Variants in COL11A1 observed in about 807,000 individuals in gnomAD.
The protein encoded by COL11A1 is collagen alpha-1(XI) chain.
In COL11A1, 74 loss-of-function variants were observed where a neutral mutation model predicts 265.2. That is an observed-to-expected ratio of 0.28 (90% CI 0.23 to 0.34). COL11A1 has a LOEUF of 0.34. COL11A1 is among the 10% of genes least tolerant of loss of function. The pLI is 1.00. For missense variants in COL11A1, 2,165 were observed against 2,263.6 expected (o/e 0.96, Z 0.88); for synonymous variants, 816 against 727.6 (o/e 1.12, Z -1.96).
At chr1:102,922,276 C>G (rs1215742159) in intron 47 of COL11A1, among the ~76,000 whole-genome samples, 1 of 152,192 alleles carries the variant, frequency 6.6e-6, no homozygotes, top group African/African-American at 2.4e-5. Flanking sequence ...CTGTTATTAT[C>G]TACTACCGTG....
At chr1:102,908,950 C>T (rs1240800351) in intron 54 of COL11A1, among the ~76,000 whole-genome samples, 2 of 151,974 alleles carry the variant, frequency 1.3e-5, no homozygotes, top group Non-Finnish European at 2.9e-5. Flanking sequence ...ACATTTATAT[C>T]TAAAGAAAAA....
chr1:102,903,060 T>G (rs1407149807), intron 54 of COL11A1, among the ~76,000 whole-genome samples: 1 of 152,116 alleles, frequency 6.6e-6, no homozygotes, highest in East Asian at 1.9e-4. Flanking sequence ...TTATAATGCT[T>G]AAATTATTTT....
chr1:103,055,016 A>G (rs888735521), intron 4 of COL11A1, among the ~76,000 whole-genome samples: 5 of 152,220 alleles, frequency 3.3e-5, no homozygotes, highest in African/African-American at 7.2e-5. Flanking sequence ...TATAGGATGC[A>G]TAGCACTGTT....
At chr1:102,884,680 G>GCACTTGTGGGCAGCCCACCC (rs1650733137) in intron 63 of COL11A1, 1 of 152,238 alleles carries the variant, frequency 6.6e-6, no homozygotes, top group African/African-American at 2.4e-5. Flanking sequence ...GCAGCCCACT[G>GCACTTGTGGGCAGCCCACCC]CACTTGTGGG....
At chr1:102,934,806 G>A (rs940771717) in intron 45 of COL11A1, among the ~76,000 whole-genome samples, 3 of 152,004 alleles carry the variant, frequency 2.0e-5, no homozygotes, top group Admixed American at 6.6e-5. Flanking sequence ...GTCTAATAAC[G>A]GAAATAATTT....
rs1340918140 is a variant in COL11A1, at chr1:102,877,617, G to A, written c.*402C>T. 5.4e-6 allele frequency: 1 copy of A among 184,712 alleles called. No homozygotes were observed. Among genetic ancestry groups the A allele is most frequent in the Non-Finnish European group, 1.1e-5 (1 of 87,036 alleles). The allele number at this position is 184,712 out of a possible 1,614,324, so 11.4% of individuals were successfully genotyped here. The stretch of plus-strand genomic sequence containing the variant: ...GTTTTGGAAATGGACACAGATAACA[G>A]TATAGAACTGTACACAAAATAATTA... On this transcript the variant is annotated 3_prime_UTR_variant, in exon 67 of 67. Transcript: ENST00000370096.
chr1:102,951,144 C>T (rs2101463872), intron 41 of COL11A1, among the ~76,000 whole-genome samples: 1 of 152,130 alleles, frequency 6.6e-6, no homozygotes, highest in Middle Eastern at 3.4e-3. Context: ...ACCATCTTAC[C>T]AAAAAATTGT....
intron 4 of COL11A1, among the ~76,000 whole-genome samples, chr1:103,050,950 G>T (rs1474429174): frequency 6.6e-6 from 1 of 152,214 alleles, no homozygotes; most frequent in Non-Finnish European, 1.5e-5. Flanking sequence ...CGGCCTGATT[G>T]TTCCTCTGGA....
At chr1:103,047,009 C>A (rs1025360389) in intron 4 of COL11A1, among the ~76,000 whole-genome samples, 1 of 152,062 alleles carries the variant, frequency 6.6e-6, no homozygotes, top group African/African-American at 2.4e-5. Flanking sequence ...GTTACTGTAG[C>A]CTTGTAGTAT....
At chr1:103,086,769 C>T (rs1437343594) in intron 1 of COL11A1, among the ~76,000 whole-genome samples, 1 of 151,572 alleles carries the variant, frequency 6.6e-6, no homozygotes, top group Non-Finnish European at 1.5e-5. Context: ...CCTCAAAAAA[C>T]AATACAAGTA....
intron 42 of COL11A1, among the ~76,000 whole-genome samples, chr1:102,942,113 A>G (rs1658784472): frequency 6.6e-6 from 1 of 152,190 alleles, no homozygotes; most frequent in Admixed American, 6.5e-5. Flanking sequence ...ATCTTCTTCA[A>G]ATAAATATGA....
chr1:103,025,246 C>T (rs1368568142), intron 7 of COL11A1, among the ~76,000 whole-genome samples: 1 of 152,050 alleles, frequency 6.6e-6, no homozygotes, highest in Admixed American at 6.5e-5. Flanking sequence ...TTGCTCAATT[C>T]CAGGAGCAAT....
intron 46 of COL11A1, among the ~76,000 whole-genome samples, chr1:102,928,086 C>A (rs1171019108): frequency 6.6e-6 from 1 of 151,796 alleles, no homozygotes; most frequent in Non-Finnish European, 1.5e-5. Flanking sequence ...TATGAGAGGA[C>A]CCTTCTAATA....
At chr1:103,047,975 C>CT (rs1284758413) in intron 4 of COL11A1, among the ~76,000 whole-genome samples, 1 of 152,126 alleles carries the variant, frequency 6.6e-6, no homozygotes, top group Non-Finnish European at 1.5e-5. Flanking sequence ...GGTGGATAAG[C>CT]TTTTTTATGT....
intron 2 of COL11A1, among the ~76,000 whole-genome samples, chr1:103,079,895 T>G (rs1672264766): frequency 6.6e-6 from 1 of 151,932 alleles, no homozygotes; most frequent in Non-Finnish European, 1.5e-5. Flanking sequence ...AAAAGAAATA[T>G]GATTATGTCT....
chr1:103,047,980 T>C lies in COL11A1; in HGVS notation c.652-16736A>G, dbSNP rs558473382. Among the ~76,000 whole-genome samples, 742 of 152,334 alleles carry C rather than the reference T, an allele frequency of 4.9e-3. 5 individuals carry two copies. Among genetic ancestry groups the C allele is most frequent in the Non-Finnish European group, 8.0e-3 (544 of 68,030 alleles). ...ACTTGATCATGGTGGATAAGCTTTTTTATGTGCTGCTGGATTCAGTTTGCC... is the reference window on the plus strand; with the variant it reads ...ACTTGATCATGGTGGATAAGCTTTTCTATGTGCTGCTGGATTCAGTTTGCC... On this transcript the variant is annotated intron_variant, in intron 4 of 66. Transcript: ENST00000370096.
At chr1:103,088,987 C>T (rs1673094441) in intron 1 of COL11A1, among the ~76,000 whole-genome samples, 1 of 152,326 alleles carries the variant, frequency 6.6e-6, no homozygotes, top group Admixed American at 6.5e-5. Context: ...CCCATCCTGA[C>T]ATTTATTACT....
Position 102,974,941 on chromosome 1 carries a change from A to G in COL11A1, c.2755-58T>C, listed in dbSNP as rs41301263. The G allele has an allele frequency of 0.014, 17,940 of 1,276,264 alleles. 224 individuals are homozygous for G. The highest frequency in any genetic ancestry group is 0.05 in the East Asian group (2,161 of 43,138). The allele number at this position is 1,276,264 out of a possible 1,614,324, so 79.1% of individuals were successfully genotyped here. On this transcript the variant is annotated intron_variant, in intron 35 of 66. Transcript: ENST00000370096. ...AATATGCCTTAGAAGATGCATCTTT[A>G]TACTTTGAGGTTTATTTACATAGAC...
At chr1:102,941,887 C>G (rs190721088) in intron 42 of COL11A1, among the ~76,000 whole-genome samples, 1 of 152,126 alleles carries the variant, frequency 6.6e-6, no homozygotes, top group Non-Finnish European at 1.5e-5. Context: ...ATTTTGCATT[C>G]TATTATATAT....
Sources: gnomAD v4.1 joint callset for allele counts (sites outside exome capture counted in the v4.1 genomes callset) on GRCh38, gnomAD v4.1.1 for gene constraint, MANE v1.5 for transcripts, NCBI Gene and HGNC (gene_info 2026-07-23, HGNC 2026-07-21) for gene names.